Variants in NEDD4L observed in about 807,000 individuals in gnomAD.
NEDD4L encodes NEDD4 like E3 ubiquitin protein ligase, also known as E3 ubiquitin-protein ligase NEDD4-like.
Under a neutral mutation model 148.9 loss-of-function variants are expected in NEDD4L, and 54 were observed. That is an observed-to-expected ratio of 0.36 (90% confidence interval 0.29 to 0.45). The LOEUF (loss-of-function observed/expected upper bound fraction) is 0.45. NEDD4L is among the 20% of genes least tolerant of loss of function. NEDD4L has a pLI of 1.00. For missense variants in NEDD4L, 856 were observed against 1,233.8 expected, an observed-to-expected ratio of 0.69 and a Z score of 4.59; for synonymous variants, 433 against 440.7, an observed-to-expected ratio of 0.98 and a Z score of 0.22.
chr18:58,159,781 T>C (rs563388537), intron 1 of NEDD4L, among the ~76,000 whole-genome samples: 57 of 152,316 alleles, frequency 3.7e-4, no homozygotes, highest in Non-Finnish European at 7.3e-4. Flanking sequence ...CAGAGAGTGT[T>C]TACCCTAAGC....
At chr18:58,086,298 C>A (rs564406448) in intron 1 of NEDD4L, among the ~76,000 whole-genome samples, 120 of 152,202 alleles carry the variant, frequency 7.9e-4, no homozygotes, top group African/African-American at 2.8e-3. Context: ...ACGAGATTTT[C>A]ATATTTGCTT....
intron 1 of NEDD4L, among the ~76,000 whole-genome samples, chr18:58,147,068 C>T (rs1287117440): frequency 6.6e-6 from 1 of 152,118 alleles, no homozygotes; most frequent in Non-Finnish European, 1.5e-5. Flanking sequence ...CTGATGATGG[C>T]AGATTTCTCT....
At chr18:58,223,503 G>C (rs747101748) in intron 2 of NEDD4L, among the ~76,000 whole-genome samples, 6 of 152,128 alleles carry the variant, frequency 3.9e-5, no homozygotes, top group Non-Finnish European at 8.8e-5. Flanking sequence ...TGGTCTTGAC[G>C]GTTCTGTTGG....
At chr18:58,300,830 T>C (rs1199688948) in intron 5 of NEDD4L, among the ~76,000 whole-genome samples, 1 of 152,210 alleles carries the variant, frequency 6.6e-6, no homozygotes, top group Non-Finnish European at 1.5e-5. Flanking sequence ...CTAGATTTGC[T>C]CCTCAGATTC....
At chr18:58,371,018 G>C (rs1401069997) in intron 23 of NEDD4L, among the ~76,000 whole-genome samples, 1 of 152,000 alleles carries the variant, frequency 6.6e-6, no homozygotes, top group African/African-American at 2.4e-5. Flanking sequence ...GACCATTTTA[G>C]AGTTGGAAGG....
intron 2 of NEDD4L, among the ~76,000 whole-genome samples, chr18:58,220,684 G>C (rs745521880): frequency 6.6e-6 from 1 of 152,214 alleles, no homozygotes. Flanking sequence ...TTAGCTGTTT[G>C]CTACAACTGG....
At chr18:58,377,110 G>A (rs188823314) in intron 24 of NEDD4L, among the ~76,000 whole-genome samples, 1 of 152,272 alleles carries the variant, frequency 6.6e-6, no homozygotes, top group East Asian at 1.9e-4. Context: ...GCAGCCGCAT[G>A]CCTGCCCTGT....
intron 1 of NEDD4L, among the ~76,000 whole-genome samples, chr18:58,145,278 A>G (rs762763927): frequency 6.6e-6 from 1 of 152,234 alleles, no homozygotes; most frequent in Non-Finnish European, 1.5e-5. Flanking sequence ...GTGGATTTGC[A>G]GCTAAGAAGA....
At chr18:58,103,086 C>G (rs1230326160) in intron 1 of NEDD4L, among the ~76,000 whole-genome samples, 1 of 151,812 alleles carries the variant, frequency 6.6e-6, no homozygotes, top group Non-Finnish European at 1.5e-5. Context: ...TCGATACTCC[C>G]AGAATGAACT....
intron 1 of NEDD4L, among the ~76,000 whole-genome samples, chr18:58,072,154 A>G (rs909780115): frequency 2.6e-5 from 4 of 152,240 alleles, no homozygotes; most frequent in Non-Finnish European, 5.9e-5. Flanking sequence ...CCACCAAAAA[A>G]TACTGGGTCA....
intron 1 of NEDD4L, among the ~76,000 whole-genome samples, chr18:58,052,322 A>G (rs767157238): frequency 3.9e-5 from 6 of 152,224 alleles, no homozygotes; most frequent in Non-Finnish European, 7.3e-5. Context: ...CATGAATAAT[A>G]GAATCTCACT....
intron 1 of NEDD4L, among the ~76,000 whole-genome samples, chr18:58,052,732 A>C (rs968322004): frequency 6.6e-6 from 1 of 151,836 alleles, no homozygotes; most frequent in East Asian, 1.9e-4. Flanking sequence ...TTGGGAGGCC[A>C]GGGCAGGCAG....
intron 2 of NEDD4L, among the ~76,000 whole-genome samples, chr18:58,176,744 T>G (rs1004286496): frequency 1.3e-5 from 2 of 152,208 alleles, no homozygotes; most frequent in Non-Finnish European, 2.9e-5. Flanking sequence ...ATATTTGCTG[T>G]TACCAAAGAC....
intron 13 of NEDD4L, among the ~76,000 whole-genome samples, chr18:58,340,627 G>A (rs1047696160): frequency 3.3e-5 from 5 of 152,208 alleles, no homozygotes; most frequent in Non-Finnish European, 7.3e-5. Flanking sequence ...GAGCTACATC[G>A]AGGAGAAACT....
At chr18:58,391,437 A>G (rs771192394) in intron 29 of NEDD4L, 50 bp from the exon 30 acceptor site, 2 of 1,452,034 alleles carry the variant, frequency 1.4e-6, no homozygotes, top group African/African-American at 1.4e-5. Flanking sequence ...CCATAGCTTC[A>G]TTCTTCTGCC....
At chr18:58,331,189 C>T (rs1160551189) in intron 11 of NEDD4L, among the ~76,000 whole-genome samples, 1 of 152,198 alleles carries the variant, frequency 6.6e-6, no homozygotes, top group Non-Finnish European at 1.5e-5. Context: ...AGTAAAACTC[C>T]ATGATGTCTG....
chr18:58,313,309 G>A (rs2057909220), intron 5 of NEDD4L, among the ~76,000 whole-genome samples: 1 of 152,162 alleles, frequency 6.6e-6, no homozygotes, highest in African/African-American at 2.4e-5. Context: ...AAAGGTATAA[G>A]TGTAGTTTCC....
At chr18:58,198,545 T>A (rs1324287374) in intron 2 of NEDD4L, among the ~76,000 whole-genome samples, 1 of 152,092 alleles carries the variant, frequency 6.6e-6, no homozygotes, top group Non-Finnish European at 1.5e-5. Context: ...GTCGGGGAGC[T>A]GGGGGACACA....
At chr18:58,389,322 T>G in intron 28 of NEDD4L, 130 bp downstream of exon 28, 2 of 647,554 alleles carry the variant, frequency 3.1e-6, no homozygotes, top group East Asian at 2.8e-5. Context: ...CTTGGACTGC[T>G]GGGGGAGGGA....
Sources: allele counts gnomAD v4.1 joint callset (sites outside exome capture counted in the v4.1 genomes callset), GRCh38; gene constraint gnomAD v4.1.1; transcripts MANE v1.5; gene names NCBI Gene and HGNC (gene_info 2026-07-23, HGNC 2026-07-21).